Variants in KCTD16 observed in about 807,000 individuals in gnomAD.
KCTD16 encodes the protein BTB/POZ domain-containing protein KCTD16.
Under a neutral mutation model 33.2 loss-of-function variants are expected in KCTD16, and 13 were observed. The ratio of observed to expected loss-of-function variants is 0.39; its 90% CI spans 0.25 to 0.62. KCTD16 has a LOEUF of 0.62. Ranked by LOEUF, KCTD16 falls within the 20% of genes least tolerant of loss-of-function variation. KCTD16 has a pLI of 0.50. For missense variants in KCTD16, 441 were observed against 525.1 expected (o/e 0.84, Z 1.57); for synonymous variants, 197 against 195.3 (o/e 1.01, Z -0.07).
At chr5:144,339,912 C>T (rs1752584761) in intron 3 of KCTD16, among the ~76,000 whole-genome samples, 1 of 152,160 alleles carries the variant, frequency 6.6e-6, no homozygotes, top group Non-Finnish European at 1.5e-5. Context: ...AATACTTGCC[C>T]CTCTCTCAAT....
rs1306956733 is a variant in KCTD16 at position 144,483,331 on chromosome 5, G to T, written c.*9217G>T. 6.6e-6 allele frequency: 1 copy of T among 151,310 alleles called. No homozygotes were observed. The highest frequency in any genetic ancestry group is 1.5e-5 in the Non-Finnish European group (1 of 67,712). The allele number at this position is 151,310 out of a possible 1,614,324, so 9.4% of individuals were successfully genotyped here. On this transcript the variant is annotated 3_prime_UTR_variant, in exon 4 of 4. Transcript: ENST00000512467. ...TAATTTCACTTTATCACTGATGAGG[G>T]TTCCTGTGTCCCTACATGATTTATC...
chr5:144,270,235 T>G (rs2126846161), intron 3 of KCTD16, among the ~76,000 whole-genome samples: 1 of 152,136 alleles, frequency 6.6e-6, no homozygotes, highest in South Asian at 2.1e-4. Flanking sequence ...ACAGCATATG[T>G]ATTCTTCTCA....
chr5:144,225,935 A>G (rs1221172812), intron 3 of KCTD16, among the ~76,000 whole-genome samples: 1 of 152,238 alleles, frequency 6.6e-6, no homozygotes. Flanking sequence ...CAACCAAAAA[A>G]CTAGAAAGAA....
At chr5:144,434,045 G>C (rs950814672) in intron 3 of KCTD16, among the ~76,000 whole-genome samples, 1 of 152,144 alleles carries the variant, frequency 6.6e-6, no homozygotes, top group Non-Finnish European at 1.5e-5. Context: ...CTGTGAAACT[G>C]TTTCCCACTT....
chr5:144,262,554 T>C (rs914168674), intron 3 of KCTD16, among the ~76,000 whole-genome samples: 6 of 152,252 alleles, frequency 3.9e-5, no homozygotes, highest in Non-Finnish European at 5.9e-5. Flanking sequence ...GGTTTTCCTA[T>C]ACCTTATAAC....
At chr5:144,241,461 A>G (rs895716534) in intron 3 of KCTD16, among the ~76,000 whole-genome samples, 1 of 152,210 alleles carries the variant, frequency 6.6e-6, no homozygotes, top group African/African-American at 2.4e-5. Flanking sequence ...AATCAGATCA[A>G]TTAAAGGCAC....
intron 2 of KCTD16, among the ~76,000 whole-genome samples, chr5:144,197,627 T>C (rs1446091764): frequency 1.3e-5 from 2 of 152,202 alleles, no homozygotes; most frequent in Admixed American, 1.3e-4. Context: ...TTCTTTGTGA[T>C]GCCAAACCAT....
chr5:144,389,867 T>C (rs1169102858), intron 3 of KCTD16, among the ~76,000 whole-genome samples: 1 of 152,226 alleles, frequency 6.6e-6, no homozygotes, highest in African/African-American at 2.4e-5. Flanking sequence ...CAGAACTAAT[T>C]TGACCCTTTC....
chr5:144,243,994 C>T lies in KCTD16; in HGVS notation c.832+36448C>T, dbSNP rs181610170. Among the ~76,000 whole-genome samples the T allele has an allele frequency of 6.5e-3, 991 of 152,206 alleles. 15 individuals carry two copies. The highest frequency in any genetic ancestry group is 0.023 in the African/African-American group (956 of 41,522). Reference sequence around the variant, plus strand: ...TCCTGACTTCATGATCTACCTGCCTCGGCCTCCCAAAGTGCTAGGATTACA... The same window carrying T: ...TCCTGACTTCATGATCTACCTGCCTTGGCCTCCCAAAGTGCTAGGATTACA... On this transcript the variant is annotated intron_variant, in intron 3 of 3. Coordinates refer to ENST00000512467, the MANE Select transcript of KCTD16 (RefSeq NM_020768.4).
intron 3 of KCTD16, among the ~76,000 whole-genome samples, chr5:144,313,699 C>T (rs1161114918): frequency 6.6e-6 from 1 of 152,128 alleles, no homozygotes. Flanking sequence ...ATTATGCCTT[C>T]ATTACAGTGA....
intron 3 of KCTD16, among the ~76,000 whole-genome samples, chr5:144,208,660 C>T (rs939391502): frequency 6.6e-6 from 1 of 152,222 alleles, no homozygotes; most frequent in African/African-American, 2.4e-5. Context: ...ATTTCTTGGA[C>T]TGGTTTTTTT....
chr5:144,443,799 G>A (rs77702694), intron 3 of KCTD16, among the ~76,000 whole-genome samples: 6,381 of 151,900 alleles, frequency 0.042, 449 homozygotes, highest in African/African-American at 0.14. Context: ...ATTTTTTGAG[G>A]ATCTATAGCT....
chr5:144,205,292 C>T (rs1753136356), intron 2 of KCTD16: 1 of 353,522 alleles, frequency 2.8e-6, no homozygotes, highest in Non-Finnish European at 5.0e-6. Context: ...GAGGACGTGA[C>T]TCGGAGCTGC....
intron 2 of KCTD16, among the ~76,000 whole-genome samples, chr5:144,186,650 T>C (rs1752733195): frequency 6.6e-6 from 1 of 152,118 alleles, no homozygotes; most frequent in Non-Finnish European, 1.5e-5. Flanking sequence ...ATCCACATTT[T>C]CTCCTCAACA....
chr5:144,223,139 G>T (rs976524477), intron 3 of KCTD16, among the ~76,000 whole-genome samples: 2 of 152,120 alleles, frequency 1.3e-5, no homozygotes, highest in East Asian at 3.9e-4. Flanking sequence ...ACCAGGGTCT[G>T]TTGTGGGGTC....
At chr5:144,371,699 A>G (rs1751970136) in intron 3 of KCTD16, among the ~76,000 whole-genome samples, 1 of 151,902 alleles carries the variant, frequency 6.6e-6, no homozygotes, top group Non-Finnish European at 1.5e-5. Flanking sequence ...CTCTAAGAAA[A>G]TTAACACTGT....
chr5:144,408,171 T>C (rs1274274093), intron 3 of KCTD16, among the ~76,000 whole-genome samples: 2 of 152,204 alleles, frequency 1.3e-5, no homozygotes, highest in Admixed American at 6.5e-5. Flanking sequence ...TAAGAGACGT[T>C]ATTAAGATCT....
chr5:144,405,257 G>A (rs947877409), intron 3 of KCTD16, among the ~76,000 whole-genome samples: 5 of 151,994 alleles, frequency 3.3e-5, no homozygotes, highest in African/African-American at 9.7e-5. Flanking sequence ...TTACTACCTC[G>A]GTAAATTCTA....
chr5:144,327,691 AT>A (rs1395870600), intron 3 of KCTD16, among the ~76,000 whole-genome samples: 2 of 152,124 alleles, frequency 1.3e-5, no homozygotes, highest in African/African-American at 4.8e-5. Flanking sequence ...AAAAAATCAT[AT>A]TTTTGGAAAT....
Sources: allele counts gnomAD v4.1 joint callset (sites outside exome capture counted in the v4.1 genomes callset), GRCh38; gene constraint gnomAD v4.1.1; transcripts MANE v1.5; gene names NCBI Gene and HGNC (gene_info 2026-07-23, HGNC 2026-07-21).